The following ALOX5AP variants were observed in gnomAD, a reference collection of about 807,000 sequenced individuals.
ALOX5AP encodes arachidonate 5-lipoxygenase-activating protein.
ALOX5AP carries 9 observed loss-of-function variants against 18.5 expected under a neutral mutation model. The ratio of observed to expected loss-of-function variants is 0.49; its 90% CI spans 0.29 to 0.85. The LOEUF is 0.85. Ranked by LOEUF, ALOX5AP falls within the 40% of genes least tolerant of loss-of-function variation. The pLI, the probability that ALOX5AP is intolerant of heterozygous loss-of-function variation, is 0.08. For missense variants in ALOX5AP, 172 were observed against 202.5 expected (o/e 0.85, Z 0.91); for synonymous variants, 81 against 78.6 (o/e 1.03, Z -0.16).
chr13:30,758,426 C>T (rs1175345974), intron 4 of ALOX5AP, among the ~76,000 whole-genome samples: 1 of 152,222 alleles, frequency 6.6e-6, no homozygotes, highest in African/African-American at 2.4e-5. Context: ...GATCCTTCCC[C>T]CGGAATTTCT....
rs144098425 is a variant in ALOX5AP, at chr13:30,755,907, A to T, written c.242-37A>T. On this transcript the variant is annotated intron_variant, in intron 3 of 4. Transcript: ENST00000380490. ...GGGCTAACAGCATGTTTTGGTGGCT[A>T]CGAAACTGACACAGGTGTTTTCATT... The T allele has an allele frequency of 4.2e-4, 672 of 1,603,816 alleles. 3 individuals are homozygous for T. The African/African-American group carries it at 8.2e-3, about 20-fold the overall frequency.
chr13:30,714,266 G>C (rs1225559393), intron 1 of ALOX5AP, among the ~76,000 whole-genome samples: 1 of 149,832 alleles, frequency 6.7e-6, no homozygotes, highest in Non-Finnish European at 1.5e-5. Context: ...AAAGCTGACA[G>C]CATCTCTCTG....
At chr13:30,741,559 C>T (rs1019360042) in intron 1 of ALOX5AP, among the ~76,000 whole-genome samples, 1 of 108,124 alleles carries the variant, frequency 9.2e-6, no homozygotes, top group African/African-American at 3.5e-5. Context: ...CACCCCCACC[C>T]CCCAACAACT....
chr13:30,741,831 G>GTTGTT (rs1555255425), intron 1 of ALOX5AP, among the ~76,000 whole-genome samples: 2 of 133,954 alleles, frequency 1.5e-5, no homozygotes, highest in Non-Finnish European at 3.1e-5. Flanking sequence ...ATGGTTTTCT[G>GTTGTT]TTTTTTTTTT....
At position 30,760,882 on chromosome 13, in the gene ALOX5AP, G is replaced by T. The variant is rs1211999061; in HGVS notation, c.324-3062G>T. Among the ~76,000 whole-genome samples, 9 of 152,186 alleles carry T rather than the reference G, an allele frequency of 5.9e-5. No individual in the cohort carries two copies. In the South Asian group the frequency reaches 1.7e-3, roughly 28 times the overall value. On this transcript the variant is annotated intron_variant, in intron 4 of 4. Transcript: ENST00000380490. Reference sequence around the variant, plus strand: ...GTACCAACTTTTAGAAACAATGAAAGATTAGTGAGTCTTCTGTGGTTGGTA... The same window carrying T: ...GTACCAACTTTTAGAAACAATGAAATATTAGTGAGTCTTCTGTGGTTGGTA...
chr13:30,725,424 G>T (rs1220469166), intron 1 of ALOX5AP, among the ~76,000 whole-genome samples: 1 of 152,232 alleles, frequency 6.6e-6, no homozygotes, highest in Non-Finnish European at 1.5e-5. Context: ...TTGCCCAGTG[G>T]GCTTACATAT....
At chr13:30,733,190 G>T (rs1287422453), upstream of ALOX5AP, among the ~76,000 whole-genome samples, 1 of 150,508 alleles carries the variant, frequency 6.6e-6, no homozygotes, top group Non-Finnish European at 1.5e-5. Context: ...AGGAAGGGCG[G>T]GAGAGAGAGA....
At chr13:30,742,940 G>A (rs933602755) in intron 1 of ALOX5AP, among the ~76,000 whole-genome samples, 2 of 107,600 alleles carry the variant, frequency 1.9e-5, no homozygotes, top group Middle Eastern at 7.7e-3. Context: ...CACCCCCACC[G>A]CCACCACCCC....
chr13:30,747,743 GGGTAT>G (rs1951820548), intron 2 of ALOX5AP, among the ~76,000 whole-genome samples: 1 of 152,220 alleles, frequency 6.6e-6, no homozygotes, highest in South Asian at 2.1e-4. Flanking sequence ...GGACGTTTAA[GGGTAT>G]TCTGATTCTT....
At chr13:30,714,592 TG>T (rs1459649561) in intron 1 of ALOX5AP, among the ~76,000 whole-genome samples, 2 of 7,266 alleles carry the variant, frequency 2.8e-4, no homozygotes, top group Non-Finnish European at 5.6e-4. Context: ...AGGTGGGAGG[TG>T]GGGGGTGGGG....
rs748246562 is a variant in ALOX5AP, at chr13:30,744,150, A to G, written c.161A>G (p.Tyr54Cys). 6.2e-7 allele frequency: 1 copy of G among 1,613,908 alleles called. No individual in the cohort carries two copies. Among genetic ancestry groups the G allele is most frequent in the East Asian group, 2.2e-5 (1 of 44,872 alleles). The change falls in exon 2 of 5, where the codon TAC (tyrosine) becomes TGC (cysteine). Residue 54 changes from tyrosine (Y) to cysteine (C), a missense_variant. Transcript: ENST00000380490. ...GGAACACTTGCCTTTGAGCGGGTCT[A>G]CACTGCCAAGTGAGTCCTAACCCTG... ...RTGTLAFERV[Y>C]TANQNCVDAY...
At position 30,764,193 on chromosome 13, in the gene ALOX5AP, C is replaced by G; in HGVS notation, c.*87C>G. On this transcript the variant is annotated 3_prime_UTR_variant, in exon 5 of 5. Coordinates refer to ENST00000380490, the MANE Select transcript of ALOX5AP (RefSeq NM_001629.4). ...CAGCTCTTGAGAGCATTCTGCTCTT[C>G]TTTAGATGGCTGTAAATCTATTGGC... The G allele has an allele frequency of 1.5e-6, 2 of 1,378,840 alleles. No homozygotes were observed. Among genetic ancestry groups the G allele is most frequent in the Non-Finnish European group, 2.0e-6 (2 of 1,015,742 alleles). The allele number at this position is 1,378,840 out of a possible 1,614,324, so 85.4% of individuals were successfully genotyped here. A position where few individuals can be genotyped will look rare whatever the true frequency, so the allele number is the denominator to read the frequency against.
At chr13:30,733,158 CAAA>C (rs34069656), upstream of ALOX5AP, among the ~76,000 whole-genome samples, 16 of 82,282 alleles carry the variant, frequency 1.9e-4, no homozygotes, top group African/African-American at 5.3e-4. Flanking sequence ...GACTCCGTCT[CAAA>C]AAAAAAAAAA....
At chr13:30,756,274 G>A (rs1951893089) in intron 4 of ALOX5AP, among the ~76,000 whole-genome samples, 1 of 152,156 alleles carries the variant, frequency 6.6e-6, no homozygotes, top group East Asian at 1.9e-4. Context: ...CTTTCAAAGG[G>A]TGCTTCAGTG....
At chr13:30,729,816 T>C (rs945778671) in intron 1 of ALOX5AP, among the ~76,000 whole-genome samples, 2 of 152,350 alleles carry the variant, frequency 1.3e-5, no homozygotes, top group East Asian at 3.9e-4. Flanking sequence ...CCTCAGGTGA[T>C]CTGCCTGCCT....
At chr13:30,745,259 G>A (rs1312655140) in intron 2 of ALOX5AP, among the ~76,000 whole-genome samples, 1 of 152,194 alleles carries the variant, frequency 6.6e-6, no homozygotes, top group Non-Finnish European at 1.5e-5. Context: ...GTAGGCATGA[G>A]GGGATTGGAG....
chr13:30,764,166 T>C lies in ALOX5AP; in HGVS notation c.*60T>C, dbSNP rs1285464249. ...AATCAATACCTACAAGTCATCATAA[T>C]TCAGCTCTTGAGAGCATTCTGCTCT... On this transcript the variant is annotated 3_prime_UTR_variant, in exon 5 of 5. Coordinates refer to ENST00000380490, the MANE Select transcript of ALOX5AP (RefSeq NM_001629.4). 2 of 1,542,990 alleles carry C rather than the reference T, an allele frequency of 1.3e-6. No homozygotes were observed. The highest frequency in any genetic ancestry group is 1.8e-6 in the Non-Finnish European group (2 of 1,136,892).
In ALOX5AP at chr13:30,741,103, C is replaced by CTTTT. The variant is rs59980433; in HGVS notation, c.71-2925_71-2922dup. Among the ~76,000 whole-genome samples the CTTTT allele has an allele frequency of 7.5e-3, 482 of 64,008 alleles. 68 individuals are homozygous for CTTTT. Among genetic ancestry groups the CTTTT allele is most frequent in the East Asian group, 9.5e-3 (20 of 2,108 alleles). 42.0% of individuals were successfully genotyped at this position (64,008 alleles called of 152,430 possible). ...TTAACCTACACACATCCTCCATATC[C>CTTTT]TTTTTTTTTTTTTTTTTTTTTTTTT... On this transcript the variant is annotated intron_variant, in intron 1 of 4. Transcript: ENST00000380490.
chr13:30,716,236 T>C (rs1348512599), intron 1 of ALOX5AP, among the ~76,000 whole-genome samples: 1 of 152,190 alleles, frequency 6.6e-6, no homozygotes, highest in East Asian at 1.9e-4. Flanking sequence ...CATGCTTTGA[T>C]TGACTCTACC....
Sources: gnomAD v4.1 joint callset for allele counts (sites outside exome capture counted in the v4.1 genomes callset) on GRCh38, gnomAD v4.1.1 for gene constraint, MANE v1.5 for transcripts, NCBI Gene and HGNC (gene_info 2026-07-23, HGNC 2026-07-21) for gene names.